SEMA3A: variants seen among roughly 807,000 people sequenced by gnomAD.
SEMA3A encodes semaphorin 3A.
A neutral mutation model predicts 97.9 loss-of-function variants in SEMA3A; 29 were observed. The ratio of observed to expected loss-of-function variants is 0.30; its 90% CI spans 0.22 to 0.40. The LOEUF is 0.40. Among genes scored for constraint, SEMA3A ranks in the 10% least tolerant of loss-of-function variants. The pLI is 1.00. For synonymous variants in SEMA3A, 321 were observed against 323.7 expected (o/e 0.99, Z 0.09); for missense variants, 763 against 951.3 (o/e 0.80, Z 2.60).
chr7:84,489,769 T>C (rs1806671537), intron 1 of SEMA3A, among the ~76,000 whole-genome samples: 1 of 152,088 alleles, frequency 6.6e-6, no homozygotes. Flanking sequence ...ACTTTCTATC[T>C]TGATGTCTAA....
At chr7:84,424,959 A>C (rs1303355184) in intron 1 of SEMA3A, among the ~76,000 whole-genome samples, 3 of 102,216 alleles carry the variant, frequency 2.9e-5, no homozygotes, top group Non-Finnish European at 5.1e-5. Context: ...ATAATTATAT[A>C]TATAATTTAT....
At chr7:84,087,241 T>C (rs1794410137) in intron 4 of SEMA3A, among the ~76,000 whole-genome samples, 1 of 152,196 alleles carries the variant, frequency 6.6e-6, no homozygotes, top group Non-Finnish European at 1.5e-5. Context: ...GGCTCTGTGA[T>C]TCATTAGAAG....
intron 2 of SEMA3A, among the ~76,000 whole-genome samples, chr7:84,340,986 T>C (rs17158909): frequency 0.016 from 2,469 of 152,158 alleles, 97 homozygotes; most frequent in East Asian, 0.15. Context: ...TCCATAAAAA[T>C]ATTTGGTATG....
chr7:84,120,394 T>A (rs1365246207), intron 3 of SEMA3A, among the ~76,000 whole-genome samples: 1 of 152,204 alleles, frequency 6.6e-6, no homozygotes, highest in Non-Finnish European at 1.5e-5. Flanking sequence ...ATGAGTCACT[T>A]AAACGAGTTA....
intron 4 of SEMA3A, among the ~76,000 whole-genome samples, chr7:84,102,588 CTT>C (rs3074757): frequency 0.33 from 31,868 of 96,036 alleles, 5,226 homozygotes; most frequent in African/African-American, 0.49. Context: ...TGCATTATCG[CTT>C]TTTTTTTTTT....
chr7:84,318,162 A>G (rs1224659372), intron 2 of SEMA3A, among the ~76,000 whole-genome samples: 3 of 152,050 alleles, frequency 2.0e-5, no homozygotes, highest in Admixed American at 6.6e-5. Flanking sequence ...TATATTTAGT[A>G]CCATGATTTC....
intron 4 of SEMA3A, among the ~76,000 whole-genome samples, chr7:84,096,932 G>T (rs1209035050): frequency 6.6e-6 from 1 of 152,024 alleles, no homozygotes; most frequent in Non-Finnish European, 1.5e-5. Context: ...ATTTTAACAT[G>T]AATTTTAAAA....
At chr7:84,105,254 G>C (rs993465953) in intron 4 of SEMA3A, among the ~76,000 whole-genome samples, 1 of 152,060 alleles carries the variant, frequency 6.6e-6, no homozygotes, top group East Asian at 1.9e-4. Flanking sequence ...ATTGAAAGAA[G>C]TAACTCAACT....
intron 3 of SEMA3A, among the ~76,000 whole-genome samples, chr7:84,275,138 A>G (rs1241077152): frequency 1.3e-5 from 2 of 152,086 alleles, no homozygotes; most frequent in African/African-American, 2.4e-5. Flanking sequence ...GTTTTCTTAC[A>G]TATTTGCAAA....
chr7:84,435,986 T>C (rs1224198863), intron 1 of SEMA3A, among the ~76,000 whole-genome samples: 1 of 152,060 alleles, frequency 6.6e-6, no homozygotes, highest in Non-Finnish European at 1.5e-5. Context: ...AACAGACACA[T>C]AGATTAATGG....
intron 3 of SEMA3A, among the ~76,000 whole-genome samples, chr7:84,122,975 A>G (rs1486185315): frequency 6.6e-6 from 1 of 152,190 alleles, no homozygotes; most frequent in Non-Finnish European, 1.5e-5. Context: ...ATGTTATGAG[A>G]GTCTGCTTTT....
intron 4 of SEMA3A, among the ~76,000 whole-genome samples, chr7:84,066,032 G>A (rs1219167271): frequency 2.6e-5 from 4 of 151,466 alleles, no homozygotes; most frequent in Non-Finnish European, 5.9e-5. Flanking sequence ...TAAAATACTG[G>A]CAAACCGAAT....
At chr7:84,051,125 GT>G (rs1792621091) in intron 5 of SEMA3A, among the ~76,000 whole-genome samples, 1 of 148,440 alleles carries the variant, frequency 6.7e-6, no homozygotes, top group Admixed American at 6.8e-5. Context: ...TTGTAGTATA[GT>G]TTGAAGTCAG....
chr7:84,253,012 G>A (rs1302141131), intron 3 of SEMA3A, among the ~76,000 whole-genome samples: 1 of 152,096 alleles, frequency 6.6e-6, no homozygotes, highest in East Asian at 1.9e-4. Context: ...CCGAGTAGCT[G>A]GGACTACAGG....
At chr7:84,353,840 A>G (rs985551101) in intron 2 of SEMA3A, among the ~76,000 whole-genome samples, 2 of 151,776 alleles carry the variant, frequency 1.3e-5, no homozygotes, top group African/African-American at 4.8e-5. Context: ...AATTTTGTCC[A>G]TGAGCTTTTA....
intron 12 of SEMA3A, among the ~76,000 whole-genome samples, chr7:83,992,308 C>A (rs1291752540): frequency 3.4e-5 from 5 of 145,814 alleles, no homozygotes; most frequent in Admixed American, 3.4e-4. Context: ...TTTTTTGTGT[C>A]TCTATTTCCT....
chr7:84,203,602 G>A (rs1798415134), intron 3 of SEMA3A, among the ~76,000 whole-genome samples: 1 of 138,104 alleles, frequency 7.2e-6, no homozygotes, highest in Non-Finnish European at 1.5e-5. Flanking sequence ...CACAATCTCG[G>A]CTCACTGCAA....
intron 3 of SEMA3A, among the ~76,000 whole-genome samples, chr7:84,115,812 A>G (rs1795408217): frequency 6.6e-6 from 1 of 152,194 alleles, no homozygotes; most frequent in Non-Finnish European, 1.5e-5. Context: ...GATTTCAAAA[A>G]TGATATTCTG....
Position 84,313,352 on chromosome 7 carries a change from GTGTGTATATATATATATATATATA to G in SEMA3A, c.-168-6084_-168-6061del, listed in dbSNP as rs1258053506. On this transcript the variant is annotated intron_variant, in intron 2 of 3. Transcript: ENST00000424555. The stretch of plus-strand genomic sequence containing the variant: ...TACATATATATATATGTATATGTGT[GTGTGTATATATATATATATATATA>G]TATATATATATATATATATATATAT... Among the ~76,000 whole-genome samples the G allele has an allele frequency of 1.3e-3, 110 of 83,402 alleles. 4 individuals are homozygous for G. Among genetic ancestry groups the G allele is most frequent in the African/African-American group, 4.1e-3 (76 of 18,544 alleles). The allele number at this position is 83,402 out of a possible 152,430, so 54.7% of individuals were successfully genotyped here.
Sources: allele counts gnomAD v4.1 joint callset (sites outside exome capture counted in the v4.1 genomes callset), GRCh38; gene constraint gnomAD v4.1.1; transcripts MANE v1.5; gene names NCBI Gene and HGNC (gene_info 2026-07-23, HGNC 2026-07-21).